The following PPM1H variants were observed in gnomAD, a reference collection of about 807,000 sequenced individuals.
The protein encoded by PPM1H is protein phosphatase 1H.
A neutral mutation model predicts 54.9 loss-of-function variants in PPM1H; 27 were observed. The observed-to-expected ratio is 0.49, with a 90% CI of 0.36 to 0.68. The LOEUF is 0.68. Among genes scored for constraint, PPM1H ranks in the 30% least tolerant of loss-of-function variants. The pLI is 0.00. For synonymous variants in PPM1H, 305 were observed against 270.8 expected (o/e 1.13, Z -1.24); for missense variants, 596 against 667.8 (o/e 0.89, Z 1.19).
intron 5 of PPM1H, among the ~76,000 whole-genome samples, chr12:62,731,603 G>A (rs2076321475): frequency 6.6e-6 from 1 of 152,162 alleles, no homozygotes; most frequent in Admixed American, 6.5e-5. Flanking sequence ...CAAGGACATT[G>A]CAAGAAATCA....
At chr12:62,732,733 G>T (rs1393282975) in intron 5 of PPM1H, among the ~76,000 whole-genome samples, 1 of 151,776 alleles carries the variant, frequency 6.6e-6, no homozygotes, top group Non-Finnish European at 1.5e-5. Context: ...CACTACGCCC[G>T]GCTAATTTTT....
chr12:62,792,058 C>T (rs1251344529), intron 3 of PPM1H, among the ~76,000 whole-genome samples: 1 of 152,192 alleles, frequency 6.6e-6, no homozygotes, highest in Non-Finnish European at 1.5e-5. Flanking sequence ...GCAAAAAGTC[C>T]ACGTAACAGG....
intron 4 of PPM1H, among the ~76,000 whole-genome samples, chr12:62,744,846 T>C (rs1461640789): frequency 3.3e-5 from 5 of 152,190 alleles, no homozygotes; most frequent in Non-Finnish European, 5.9e-5. Flanking sequence ...GACTCAGTCT[T>C]CTTATAGTCC....
chr12:62,860,977 T>C (rs1203864624), intron 1 of PPM1H, among the ~76,000 whole-genome samples: 2 of 152,212 alleles, frequency 1.3e-5, no homozygotes, highest in Non-Finnish European at 2.9e-5. Flanking sequence ...CACTCCTATG[T>C]GGCAGGAAGA....
At chr12:62,869,427 CA>C (rs1487516042) in intron 1 of PPM1H, among the ~76,000 whole-genome samples, 1 of 152,164 alleles carries the variant, frequency 6.6e-6, no homozygotes, top group East Asian at 1.9e-4. Context: ...TATAGATGTG[CA>C]AACTGAAGCA....
chr12:62,780,992 T>C (rs1234445598), intron 4 of PPM1H, among the ~76,000 whole-genome samples: 5 of 152,224 alleles, frequency 3.3e-5, no homozygotes, highest in Non-Finnish European at 7.3e-5. Flanking sequence ...CCTTTCAGTG[T>C]GTAAGAGACA....
At chr12:62,807,085 G>T (rs992926664) in intron 2 of PPM1H, among the ~76,000 whole-genome samples, 3 of 152,160 alleles carry the variant, frequency 2.0e-5, no homozygotes, top group Admixed American at 1.3e-4. Flanking sequence ...GTAGAATGGG[G>T]GCATGATGCA....
chr12:62,656,044 G>A (rs532933664), intron 9 of PPM1H, among the ~76,000 whole-genome samples: 84 of 152,338 alleles, frequency 5.5e-4, no homozygotes, highest in African/African-American at 1.3e-3. Context: ...GCTGAAGAGC[G>A]ATGGGAAGGC....
chr12:62,693,829 TA>T, intron 7 of PPM1H, 106 bp downstream of exon 7: 1 of 995,436 alleles, frequency 1.0e-6, no homozygotes, highest in Non-Finnish European at 1.5e-6. Context: ...GTCAAGGCTA[TA>T]AAATCACAAG....
At chr12:62,731,677 A>G (rs148605201) in intron 5 of PPM1H, among the ~76,000 whole-genome samples, 1 of 152,326 alleles carries the variant, frequency 6.6e-6, no homozygotes, top group East Asian at 1.9e-4. Context: ...CATCTCTTCT[A>G]TACATTGCCC....
chr12:62,785,822 G>T (rs1010399342), intron 4 of PPM1H, among the ~76,000 whole-genome samples: 1 of 150,410 alleles, frequency 6.6e-6, no homozygotes, highest in African/African-American at 2.5e-5. Flanking sequence ...CTCTTTTAAG[G>T]AGCCTGGAGC....
intron 3 of PPM1H, among the ~76,000 whole-genome samples, chr12:62,791,010 C>A (rs752630239): frequency 2.0e-5 from 3 of 152,168 alleles, no homozygotes; most frequent in African/African-American, 7.2e-5. Context: ...AGACCCTCAA[C>A]ACCTAGGTTA....
intron 6 of PPM1H, 138 bp from the exon 7 acceptor site, chr12:62,694,137 AGTT>A (rs1465046972): frequency 8.3e-6 from 6 of 719,134 alleles, no homozygotes; most frequent in Non-Finnish European, 4.8e-6. Context: ...CTTTATAGGG[AGTT>A]GTTCTCCCTA....
chr12:62,909,682 T>C (rs1871398953), intron 1 of PPM1H, among the ~76,000 whole-genome samples: 1 of 152,222 alleles, frequency 6.6e-6, no homozygotes, highest in Admixed American at 6.5e-5. Flanking sequence ...TCTCATTCTT[T>C]GGACTCTTCC....
chr12:62,662,664 A>T (rs1010746436), intron 9 of PPM1H, among the ~76,000 whole-genome samples: 1 of 152,214 alleles, frequency 6.6e-6, no homozygotes, highest in Non-Finnish European at 1.5e-5. Context: ...GCCAAAATTC[A>T]ACTCGGGAAG....
At chr12:62,669,701 G>A (rs2075943144) in intron 8 of PPM1H, among the ~76,000 whole-genome samples, 1 of 152,198 alleles carries the variant, frequency 6.6e-6, no homozygotes, top group Middle Eastern at 3.4e-3. Context: ...GGAGGCCAAG[G>A]CAGGGGGATC....
At chr12:62,720,114 T>A in intron 6 of PPM1H, 57 bp downstream of exon 6, 2 of 1,406,160 alleles carry the variant, frequency 1.4e-6, no homozygotes, top group Non-Finnish European at 2.0e-6. Flanking sequence ...TTTATGGTGG[T>A]GATGCTTCCT....
intron 5 of PPM1H, among the ~76,000 whole-genome samples, chr12:62,731,177 T>C (rs2076318753): frequency 6.6e-6 from 1 of 152,218 alleles, no homozygotes; most frequent in Non-Finnish European, 1.5e-5. Context: ...CAATAGCTTC[T>C]AGTCTGCCAT....
At chr12:62,813,077 C>G (rs2120782167) in intron 2 of PPM1H, among the ~76,000 whole-genome samples, 1 of 152,042 alleles carries the variant, frequency 6.6e-6, no homozygotes, top group East Asian at 1.9e-4. Flanking sequence ...TGTGAGGTAC[C>G]CATCCCCTCT....
Sources: allele counts gnomAD v4.1 joint callset (sites outside exome capture counted in the v4.1 genomes callset), GRCh38; gene constraint gnomAD v4.1.1; transcripts MANE v1.5; gene names NCBI Gene and HGNC (gene_info 2026-07-23, HGNC 2026-07-21).